The following DAP3 variants were observed in gnomAD, a reference collection of about 807,000 sequenced individuals.
DAP3 encodes the protein death associated protein 3.
DAP3 carries 28 observed loss-of-function variants against 51.9 expected under a neutral mutation model. That is an observed-to-expected ratio of 0.54 (90% CI 0.40 to 0.74). The LOEUF (loss-of-function observed/expected upper bound fraction) is 0.74. DAP3 is among the 30% of genes least tolerant of loss of function. DAP3 has a pLI of 0.00. For synonymous variants in DAP3, 170 were observed against 170.3 expected, an observed-to-expected ratio of 1.00 and a Z score of 0.01; for missense variants, 458 against 483.5, an observed-to-expected ratio of 0.95 and a Z score of 0.49.
intron 10 of DAP3, 196 bp downstream of exon 10, chr1:155,731,611 T>C: frequency 1.7e-6 from 1 of 587,506 alleles, no homozygotes; most frequent in South Asian, 2.6e-5. Flanking sequence ...TGGTTTATAA[T>C]CTTTCCAAAG....
chr1:155,688,104 G>C (rs149875937), upstream of DAP3: 1 of 1,609,110 alleles, frequency 6.2e-7, no homozygotes, highest in Non-Finnish European at 8.5e-7. Context: ...AGAGTACAGG[G>C]AAGTGAGGAA....
At chr1:155,717,151 G>A (rs752189525) in intron 3 of DAP3, 23 bp downstream of exon 3, 1 of 1,606,284 alleles carries the variant, frequency 6.2e-7, no homozygotes, top group Non-Finnish European at 8.5e-7. Flanking sequence ...TATGTATATG[G>A]GGTTTCTCAG....
chr1:155,713,655 A>G (rs906119028), intron 2 of DAP3, among the ~76,000 whole-genome samples: 6 of 152,194 alleles, frequency 3.9e-5, no homozygotes, highest in Non-Finnish European at 8.8e-5. Context: ...CATGTGTAAG[A>G]TAACATGATA....
intron 11 of DAP3, among the ~76,000 whole-genome samples, chr1:155,735,120 AAAAG>A (rs1659629807): frequency 6.7e-6 from 1 of 149,998 alleles, no homozygotes; most frequent in African/African-American, 2.5e-5. Context: ...AAAAAAAAAA[AAAAG>A]AAAAAAAAAT....
intron 3 of DAP3, among the ~76,000 whole-genome samples, chr1:155,719,331 G>A (rs1657723615): frequency 6.6e-6 from 1 of 151,160 alleles, no homozygotes; most frequent in Non-Finnish European, 1.5e-5. Context: ...CACCTCCTGG[G>A]TTTAAATGAT....
In DAP3 at chr1:155,726,163, G is replaced by C. The variant is rs1658561526; in HGVS notation, c.472+144G>C. ...AGTTTCGCTCTTGTCGGCCAGTCTG[G>C]AGTGCAGAGGCGCAATCTCAGGTCA... On this transcript the variant is annotated intron_variant, in intron 6 of 12. Transcript: ENST00000368336. 7.9e-6 allele frequency: 5 copies of C among 631,520 alleles called. No individual in the cohort carries two copies. The South Asian group carries it at 1.1e-4, about 14-fold the overall frequency. 39.1% of individuals were successfully genotyped at this position (631,520 alleles called of 1,614,324 possible). A position where few individuals can be genotyped will look rare whatever the true frequency, so the allele number is the denominator to read the frequency against.
Position 155,738,908 on chromosome 1 carries a change from G to A in DAP3, c.*666G>A, listed in dbSNP as rs898092902. 1 of 151,904 alleles carries A rather than the reference G, an allele frequency of 6.6e-6. No individual in the cohort carries two copies. Among genetic ancestry groups the A allele is most frequent in the Non-Finnish European group, 1.5e-5 (1 of 68,012 alleles). The allele number at this position is 151,904 out of a possible 1,614,324, so 9.4% of individuals were successfully genotyped here. ...AATTGCTTCAACTTGGGAGGCGGATGTTGCAGTGAGCCAAAATTGCACCAC... is the reference window on the plus strand; with the variant it reads ...AATTGCTTCAACTTGGGAGGCGGATATTGCAGTGAGCCAAAATTGCACCAC... On this transcript the variant is annotated 3_prime_UTR_variant, in exon 13 of 13. Coordinates refer to ENST00000368336, the MANE Select transcript of DAP3 (RefSeq NM_004632.4).
intron 1 of DAP3, among the ~76,000 whole-genome samples, chr1:155,708,384 G>A (rs1656251997): frequency 6.6e-6 from 1 of 152,234 alleles, no homozygotes; most frequent in South Asian, 2.1e-4. Context: ...TGCAAAGATA[G>A]TGTATTTTCA....
In DAP3 at chr1:155,738,374, T is replaced by C; in HGVS notation, c.*132T>C. 3.5e-6 allele frequency: 3 copies of C among 847,812 alleles called. No individual in the cohort carries two copies. Among genetic ancestry groups the C allele is most frequent in the East Asian group, 2.7e-5 (1 of 36,628 alleles). The allele number at this position is 847,812 out of a possible 1,614,324, so 52.5% of individuals were successfully genotyped here. On this transcript the variant is annotated 3_prime_UTR_variant, in exon 13 of 13. Coordinates refer to ENST00000368336, the MANE Select transcript of DAP3 (RefSeq NM_004632.4). ...CCTATGGGATTGGACAGGACTGCAG[T>C]TGGCTCTGGACCTGCATTAAAATGG...
In DAP3 at chr1:155,738,966, C is replaced by A. The variant is rs111369148; in HGVS notation, c.*724C>A. 1.1e-5 allele frequency: 1 copy of A among 94,054 alleles called. No individual in the cohort carries two copies. Among genetic ancestry groups the A allele is most frequent in the Non-Finnish European group, 2.2e-5 (1 of 45,522 alleles). The allele number at this position is 94,054 out of a possible 1,614,324, so 5.8% of individuals were successfully genotyped here. ...CAGCCTGGGCAGCAGAGCAAGACTC[C>A]GTCTCAAAATAAATAAATAAATAAA... On this transcript the variant is annotated 3_prime_UTR_variant, in exon 13 of 13. Coordinates refer to ENST00000368336, the MANE Select transcript of DAP3 (RefSeq NM_004632.4).
chr1:155,736,223 C>T (rs1302353411), intron 11 of DAP3, among the ~76,000 whole-genome samples: 1 of 152,038 alleles, frequency 6.6e-6, no homozygotes, highest in Non-Finnish European at 1.5e-5. Context: ...AACTCCTGAC[C>T]TCAGGCGATC....
intron 11 of DAP3, among the ~76,000 whole-genome samples, chr1:155,735,129 A>G (rs1432403520): frequency 1.3e-5 from 2 of 150,852 alleles, no homozygotes; most frequent in South Asian, 2.1e-4. Flanking sequence ...AAAAAGAAAA[A>G]AAAATTAGCC....
At chr1:155,735,966 C>T (rs1271191089) in intron 11 of DAP3, among the ~76,000 whole-genome samples, 2 of 151,702 alleles carry the variant, frequency 1.3e-5, no homozygotes, top group African/African-American at 2.4e-5. Flanking sequence ...CTCAGTCTCC[C>T]GAGTAGCTGG....
At chr1:155,720,324 C>CAAAAAAAAAA (rs61252469) in intron 3 of DAP3, among the ~76,000 whole-genome samples, 3 of 32,810 alleles carry the variant, frequency 9.1e-5, no homozygotes, top group African/African-American at 2.6e-4. Context: ...GATCTTGTCT[C>CAAAAAAAAAA]AAAAAAAAAA....
chr1:155,732,183 C>A (rs1557800237), intron 11 of DAP3, 150 bp downstream of exon 11: 18 of 566,838 alleles, frequency 3.2e-5, no homozygotes, highest in Non-Finnish European at 5.1e-5. Context: ...AAAATATTAA[C>A]TTGATCATCA....
chr1:155,689,863 G>C (rs1422980421), intron 1 of DAP3, among the ~76,000 whole-genome samples: 3 of 152,094 alleles, frequency 2.0e-5, no homozygotes, highest in Non-Finnish European at 2.9e-5. Flanking sequence ...AGTGAGCCGA[G>C]ATCGCGCCAC....
At chr1:155,733,606 A>G (rs1272074443) in intron 11 of DAP3, among the ~76,000 whole-genome samples, 3 of 152,186 alleles carry the variant, frequency 2.0e-5, no homozygotes, top group African/African-American at 4.8e-5. Flanking sequence ...TGGGAGGCCA[A>G]GGCGGGTGGA....
intron 2 of DAP3, among the ~76,000 whole-genome samples, chr1:155,715,666 T>G (rs1442629695): frequency 6.6e-6 from 1 of 152,216 alleles, no homozygotes; most frequent in Non-Finnish European, 1.5e-5. Flanking sequence ...CCTGGCTGCA[T>G]TCCCTAATCT....
At chr1:155,691,844 T>G (rs1304280736) in intron 1 of DAP3, among the ~76,000 whole-genome samples, 1 of 141,394 alleles carries the variant, frequency 7.1e-6, no homozygotes, top group Non-Finnish European at 1.5e-5. Context: ...GGGACCAGTC[T>G]CAGCACCACC....
Sources: gnomAD v4.1 joint callset for allele counts (sites outside exome capture counted in the v4.1 genomes callset) on GRCh38, gnomAD v4.1.1 for gene constraint, MANE v1.5 for transcripts, NCBI Gene and HGNC (gene_info 2026-07-23, HGNC 2026-07-21) for gene names.